The following MAP3K19 variants were observed in gnomAD, a reference collection of about 807,000 sequenced individuals.
MAP3K19 encodes mitogen-activated protein kinase kinase kinase 19, also known as SPS1/STE20-related protein kinase YSK4.
Under a neutral mutation model 114.4 loss-of-function variants are expected in MAP3K19, and 91 were observed. The ratio of observed to expected loss-of-function variants is 0.80; its 90% CI spans 0.67 to 0.95. The LOEUF (loss-of-function observed/expected upper bound fraction) is 0.95. MAP3K19 is among the 40% of genes least tolerant of loss of function. The pLI is 0.00. For missense variants in MAP3K19, 1,471 were observed against 1,573.2 expected (o/e 0.94, Z 1.10); for synonymous variants, 518 against 530.5 (o/e 0.98, Z 0.32).
At chr2:135,030,795 T>G (rs1328163281) in intron 2 of MAP3K19, among the ~76,000 whole-genome samples, 1 of 152,192 alleles carries the variant, frequency 6.6e-6, no homozygotes, top group African/African-American at 2.4e-5. Flanking sequence ...TGGTTTTGTG[T>G]GCCTGTAATC....
intron 8 of MAP3K19, among the ~76,000 whole-genome samples, chr2:134,992,577 C>A (rs1293930947): frequency 6.6e-6 from 1 of 152,158 alleles, no homozygotes; most frequent in Non-Finnish European, 1.5e-5. Flanking sequence ...ATATGCCCAA[C>A]TAAAGGGGCA....
At chr2:134,968,317 G>C (rs1372378902) in intron 12 of MAP3K19, among the ~76,000 whole-genome samples, 10 of 145,922 alleles carry the variant, frequency 6.9e-5, no homozygotes, top group African/African-American at 1.5e-4. Context: ...CCTTTCCCCC[G>C]TTTCTATTCC....
intron 12 of MAP3K19, among the ~76,000 whole-genome samples, chr2:134,978,802 C>T (rs138296870): frequency 2.6e-5 from 4 of 152,310 alleles, no homozygotes; most frequent in Non-Finnish European, 2.9e-5. Flanking sequence ...TAGTCTCAAG[C>T]GACATCCATC....
chr2:134,977,511 T>C (rs1416319641), intron 12 of MAP3K19, among the ~76,000 whole-genome samples: 1 of 151,790 alleles, frequency 6.6e-6, no homozygotes, highest in Non-Finnish European at 1.5e-5. Context: ...TACAGGTGCC[T>C]GCCACCACAC....
rs368700239 is a variant in MAP3K19 at position 134,992,911 on chromosome 2, CCTCGTGATCCA to C, written c.575-1342_575-1332del. Among the ~76,000 whole-genome samples the C allele has an allele frequency of 1.1e-3, 166 of 152,220 alleles. 1 individual carries two copies. In the Middle Eastern group the frequency reaches 0.034, roughly 31 times the overall value. The stretch of plus-strand genomic sequence containing the variant: ...GGCTAGGCTGGTCTCGAACACTTGA[CCTCGTGATCCA>C]CCGGCCTCGGCCTCCCAAAGTGCTG... On this transcript the variant is annotated intron_variant, in intron 8 of 12. Transcript: ENST00000392915.
intron 3 of MAP3K19, among the ~76,000 whole-genome samples, chr2:135,029,281 T>A (rs1196972054): frequency 6.6e-6 from 1 of 151,770 alleles, no homozygotes; most frequent in African/African-American, 2.4e-5. Context: ...GAGGCTGAGG[T>A]GGGAGAATGG....
intron 8 of MAP3K19, among the ~76,000 whole-genome samples, chr2:134,998,499 A>G (rs1395280969): frequency 6.6e-6 from 1 of 152,206 alleles, no homozygotes; most frequent in Non-Finnish European, 1.5e-5. Flanking sequence ...ATATATAAAC[A>G]TTTGCACATA....
At chr2:135,027,297 G>A (rs1296789369) in intron 3 of MAP3K19, among the ~76,000 whole-genome samples, 1 of 144,544 alleles carries the variant, frequency 6.9e-6, no homozygotes. Context: ...AAGGAAGGAA[G>A]GAAGGAGAGG....
intron 12 of MAP3K19, among the ~76,000 whole-genome samples, chr2:134,967,593 T>A (rs759027243): frequency 6.6e-6 from 1 of 152,254 alleles, no homozygotes; most frequent in Non-Finnish European, 1.5e-5. Flanking sequence ...AAATCTTGCT[T>A]AGAGACACGT....
chr2:135,003,508 A>G (rs6729579), intron 6 of MAP3K19, among the ~76,000 whole-genome samples: 38,447 of 152,038 alleles, frequency 0.25, 6,046 homozygotes, highest in African/African-American at 0.41. Flanking sequence ...TTTCTAGTCT[A>G]TAAGATTTGT....
chr2:135,011,104 A>G (rs898605959), intron 5 of MAP3K19, among the ~76,000 whole-genome samples: 59 of 152,244 alleles, frequency 3.9e-4, no homozygotes, highest in African/African-American at 1.4e-3. Context: ...TAAAGAAAAG[A>G]GTGAAAGGGA....
At chr2:135,018,675 T>C (rs1431577286) in intron 5 of MAP3K19, among the ~76,000 whole-genome samples, 2 of 152,230 alleles carry the variant, frequency 1.3e-5, no homozygotes, top group East Asian at 3.8e-4. Flanking sequence ...TTTCTTTCTT[T>C]TTTTACAAAG....
chr2:134,991,508 CAAGTCAA>C (rs766939016), intron 9 of MAP3K19, 22 bp downstream of exon 9: 1 of 1,599,680 alleles, frequency 6.3e-7, no homozygotes, highest in South Asian at 1.1e-5. Flanking sequence ...TTTTAATTCT[CAAGTCAA>C]AAATGCTAGC....
At chr2:135,046,275 GTTA>G (rs1169703679) in intron 1 of MAP3K19, among the ~76,000 whole-genome samples, 1 of 151,706 alleles carries the variant, frequency 6.6e-6, no homozygotes, top group East Asian at 1.9e-4. Context: ...AATTGTTGTT[GTTA>G]TTGTTGTTGT....
intron 2 of MAP3K19, among the ~76,000 whole-genome samples, chr2:135,034,624 A>T (rs1482132402): frequency 7.5e-6 from 1 of 132,738 alleles, no homozygotes; most frequent in Admixed American, 7.7e-5. Context: ...CGGCCAACAC[A>T]GCGAAACCCC....
chr2:134,985,977 C>T lies in MAP3K19; in HGVS notation c.2895G>A (p.Leu965=), dbSNP rs563520895. The part of the protein sequence containing the change: ...EIMDSVNNEE[L]TDELLGCLAA... Reference sequence around the variant, plus strand: ...CTAGACAACCTAATAGTTCATCTGTCAATTCTTCATTATTTACAGAGTCCA... The same window carrying T: ...CTAGACAACCTAATAGTTCATCTGTTAATTCTTCATTATTTACAGAGTCCA... Residue 965 remains leucine, a synonymous_variant, in exon 10 of 13, where the codon TTG becomes TTA. Transcript: ENST00000392915. The T allele has an allele frequency of 1.9e-6, 3 of 1,613,694 alleles. No individual in the cohort carries two copies. Among genetic ancestry groups the T allele is most frequent in the Non-Finnish European group, 2.5e-6 (3 of 1,179,814 alleles).
intron 3 of MAP3K19, among the ~76,000 whole-genome samples, chr2:135,028,419 T>C (rs1688304234): frequency 1.3e-5 from 2 of 151,946 alleles, no homozygotes; most frequent in African/African-American, 4.8e-5. Context: ...TAGCCAGGCA[T>C]GGTGGCATGC....
rs556767532 is a variant in MAP3K19, at chr2:135,000,965, G to A, written c.236-950C>T. On this transcript the variant is annotated intron_variant, in intron 6 of 12. Coordinates refer to ENST00000392915, the MANE Select transcript of MAP3K19 (RefSeq NM_025052.5). ...TTCTGCCACTACCTGGGTGACCTTGGGAAAGTTGCTTAATAGCTATCATCA... is the reference window on the plus strand; with the variant it reads ...TTCTGCCACTACCTGGGTGACCTTGAGAAAGTTGCTTAATAGCTATCATCA... 4.6e-5 allele frequency among the ~76,000 whole-genome samples: 7 copies of A among 152,132 alleles called. No homozygotes were observed. The South Asian group carries it at 1.2e-3, about 27-fold the overall frequency.
chr2:135,002,457 C>T (rs981390843), intron 6 of MAP3K19, among the ~76,000 whole-genome samples: 33 of 151,472 alleles, frequency 2.2e-4, no homozygotes, highest in African/African-American at 5.1e-4. Flanking sequence ...GTTAAATTTC[C>T]GTGGGTACAT....
Sources: gnomAD v4.1 joint callset for allele counts (sites outside exome capture counted in the v4.1 genomes callset) on GRCh38, gnomAD v4.1.1 for gene constraint, MANE v1.5 for transcripts, NCBI Gene and HGNC (gene_info 2026-07-23, HGNC 2026-07-21) for gene names.